LMNB1: variants seen among roughly 807,000 people sequenced by gnomAD.
LMNB1 encodes the protein lamin B1.
In LMNB1, 23 loss-of-function variants were observed where a neutral mutation model predicts 67.1. The ratio of observed to expected loss-of-function variants is 0.34; its 90% CI spans 0.25 to 0.49. The LOEUF is 0.49. Ranked by LOEUF, LMNB1 falls within the 20% of genes least tolerant of loss-of-function variation. LMNB1 has a pLI of 0.99. For missense variants in LMNB1, 634 were observed against 746.5 expected, an observed-to-expected ratio of 0.85 and a Z score of 1.76; for synonymous variants, 281 against 282.9, an observed-to-expected ratio of 0.99 and a Z score of 0.07.
chr5:126,781,483 CT>C (rs35434010), intron 1 of LMNB1, among the ~76,000 whole-genome samples: 9 of 148,180 alleles, frequency 6.1e-5, no homozygotes, highest in South Asian at 2.2e-4. Flanking sequence ...TAATGTCTTT[CT>C]TTTTTTTTTG....
At chr5:126,785,126 C>T (rs1449043192) in intron 1 of LMNB1, among the ~76,000 whole-genome samples, 3 of 150,440 alleles carry the variant, frequency 2.0e-5, no homozygotes, top group African/African-American at 7.3e-5. Context: ...ATTACAGGCA[C>T]CCGCCACCAT....
At chr5:126,833,832 T>C (rs1421499397) in intron 10 of LMNB1, among the ~76,000 whole-genome samples, 1 of 152,114 alleles carries the variant, frequency 6.6e-6, no homozygotes, top group East Asian at 1.9e-4. Flanking sequence ...CTCTGTGAGG[T>C]GATGCTTGTC....
intron 8 of LMNB1, among the ~76,000 whole-genome samples, chr5:126,823,133 A>G (rs989855760): frequency 2.0e-5 from 3 of 152,226 alleles, no homozygotes; most frequent in Non-Finnish European, 2.9e-5. Flanking sequence ...CTCTAGGCTG[A>G]TACTTATAGC....
chr5:126,810,084 G>C, intron 3 of LMNB1, 96 bp from the exon 4 acceptor site: 2 of 1,131,824 alleles, frequency 1.8e-6, no homozygotes, highest in Non-Finnish European at 2.5e-6. Flanking sequence ...GAGGAAGTTC[G>C]TGTGTAAAAC....
chr5:126,820,863 A>C, intron 6 of LMNB1, 47 bp from the exon 7 acceptor site: 2 of 1,373,938 alleles, frequency 1.5e-6, no homozygotes, highest in Non-Finnish European at 2.0e-6. Context: ...TAAGGCGAGA[A>C]GGGCATATGT....
intron 1 of LMNB1, among the ~76,000 whole-genome samples, chr5:126,799,840 T>C (rs1751221687): frequency 6.6e-6 from 1 of 152,188 alleles, no homozygotes; most frequent in African/African-American, 2.4e-5. Flanking sequence ...AAAGCAAAAG[T>C]GTGTTCATAA....
At chr5:126,808,228 G>C (rs1194261788) in intron 3 of LMNB1, among the ~76,000 whole-genome samples, 2 of 151,834 alleles carry the variant, frequency 1.3e-5, no homozygotes, top group Non-Finnish European at 2.9e-5. Flanking sequence ...CTGTTGCCCA[G>C]GCTGGTGTGC....
At chr5:126,814,506 T>G (rs899391133) in intron 5 of LMNB1, among the ~76,000 whole-genome samples, 6 of 152,008 alleles carry the variant, frequency 3.9e-5, no homozygotes, top group Admixed American at 3.3e-4. Flanking sequence ...CAAGGCTGTT[T>G]CCCTGTTAAT....
In LMNB1 at chr5:126,790,406, T is replaced by G. The variant is rs536084324; in HGVS notation, c.359+12539T>G. 4.3e-4 allele frequency among the ~76,000 whole-genome samples: 65 copies of G among 152,264 alleles called. 1 individual carries two copies. Among genetic ancestry groups the G allele is most frequent in the African/African-American group, 1.5e-3 (63 of 41,508 alleles). On this transcript the variant is annotated intron_variant, in intron 1 of 10. Coordinates refer to ENST00000261366, the MANE Select transcript of LMNB1 (RefSeq NM_005573.4). Reference sequence around the variant, plus strand: ...CAGATGTAAGCCACCACATCTGGTCTGCTGTGTTATTTTTAATTTGTGCAG... The same window carrying G: ...CAGATGTAAGCCACCACATCTGGTCGGCTGTGTTATTTTTAATTTGTGCAG...
At chr5:126,821,201 C>T in intron 7 of LMNB1, 66 bp downstream of exon 7, 1 of 1,030,190 alleles carries the variant, frequency 9.7e-7, no homozygotes, top group Non-Finnish European at 1.5e-6. Flanking sequence ...TTGCAATTGT[C>T]ATAGCTCCTT....
rs201609148 is a variant in LMNB1 at position 126,811,755 on chromosome 5, C to T, written c.814-18C>T. 35 of 1,597,014 alleles carry T rather than the reference C, an allele frequency of 2.2e-5. No homozygotes were observed. The highest frequency in any genetic ancestry group is 2.6e-5 in the Non-Finnish European group (30 of 1,166,600). On this transcript the variant is annotated intron_variant, in intron 4 of 10. Transcript: ENST00000261366. ...TCAGTTCTAGATAAGACTGACTATG[C>T]TTTGCTTCTTCTTTTAGCTTGAGAA...
chr5:126,811,304 GT>G (rs561182705), intron 4 of LMNB1, among the ~76,000 whole-genome samples: 6 of 151,936 alleles, frequency 3.9e-5, no homozygotes, highest in Non-Finnish European at 7.4e-5. Flanking sequence ...TACTCAAGGA[GT>G]TTTTTTTGCT....
chr5:126,800,644 CTTTTTTTTTTTTTTTTT>C (rs35363581), intron 1 of LMNB1, among the ~76,000 whole-genome samples: 2 of 53,946 alleles, frequency 3.7e-5, no homozygotes, highest in African/African-American at 1.5e-4. Flanking sequence ...ACTGTATCTT[CTTTTTTTTTTTTTTTTT>C]TTTTTTTTGA....
chr5:126,811,600 T>C lies in LMNB1; in HGVS notation c.814-173T>C, dbSNP rs994149395. The stretch of plus-strand genomic sequence containing the variant: ...ATTATTTAGGAAGTGACTCTAAAAG[T>C]CACACAGAATTACCATCATTCACAC... On this transcript the variant is annotated intron_variant, in intron 4 of 10. Transcript: ENST00000261366. The C allele has an allele frequency of 1.9e-5, 9 of 479,618 alleles. No homozygotes were observed. The South Asian group carries it at 2.7e-4, about 15-fold the overall frequency. The allele number at this position is 479,618 out of a possible 1,614,324, so 29.7% of individuals were successfully genotyped here.
chr5:126,835,692 T>G (rs1752232833), intron 10 of LMNB1, among the ~76,000 whole-genome samples: 1 of 152,236 alleles, frequency 6.6e-6, no homozygotes, highest in African/African-American at 2.4e-5. Context: ...GGGACCTAGA[T>G]CAGAATTTGT....
At position 126,800,951 on chromosome 5, in the gene LMNB1, C is replaced by CTATATATATATATATA. The variant is rs57113826; in HGVS notation, c.360-3810_360-3795dup. ...ACAAGTGTGAGCCATTGCAGCCAGA[C>CTATATATATATATATA]TATATATATATATATATATATATAT... On this transcript the variant is annotated intron_variant, in intron 1 of 10. Coordinates refer to ENST00000261366, the MANE Select transcript of LMNB1 (RefSeq NM_005573.4). Among the ~76,000 whole-genome samples, 27 of 47,298 alleles carry CTATATATATATATATA rather than the reference C, an allele frequency of 5.7e-4. 1 individual carries two copies. Among genetic ancestry groups the CTATATATATATATATA allele is most frequent in the South Asian group, 1.0e-3 (1 of 964 alleles). 31.0% of individuals were successfully genotyped at this position (47,298 alleles called of 152,430 possible).
chr5:126,821,211 T>C, intron 7 of LMNB1, 76 bp downstream of exon 7: 1 of 945,030 alleles, frequency 1.1e-6, no homozygotes, highest in Non-Finnish European at 1.7e-6. Flanking sequence ...CATAGCTCCT[T>C]AGTTTTTGTT....
chr5:126,812,375 C>T (rs960356090), intron 5 of LMNB1, among the ~76,000 whole-genome samples: 2 of 152,192 alleles, frequency 1.3e-5, no homozygotes, highest in Admixed American at 6.5e-5. Context: ...AGGAAAGTAG[C>T]TTTAATTTGC....
At chr5:126,814,509 C>G (rs2126722022) in intron 5 of LMNB1, among the ~76,000 whole-genome samples, 1 of 149,410 alleles carries the variant, frequency 6.7e-6, no homozygotes, top group South Asian at 2.1e-4. Flanking sequence ...GGCTGTTTCC[C>G]TGTTAATTGA....
Sources: allele counts gnomAD v4.1 joint callset (sites outside exome capture counted in the v4.1 genomes callset), GRCh38; gene constraint gnomAD v4.1.1; transcripts MANE v1.5; gene names NCBI Gene and HGNC (gene_info 2026-07-23, HGNC 2026-07-21).